FRAS1: variants seen among roughly 807,000 people sequenced by gnomAD.
FRAS1 encodes the protein Fraser extracellular matrix complex subunit 1, also known as extracellular matrix organizing protein FRAS1.
FRAS1 carries 290 observed loss-of-function variants against 435.2 expected under a neutral mutation model. The observed-to-expected ratio is 0.67, with a 90% CI of 0.61 to 0.73. The LOEUF is 0.73. Among genes scored for constraint, FRAS1 ranks in the 30% least tolerant of loss-of-function variants. The probability of loss-of-function intolerance (pLI) is 0.00; values close to 1 mark genes in which losing one functional copy is unlikely to be tolerated. For synonymous variants in FRAS1, 1,800 were observed against 1,851.0 expected, an observed-to-expected ratio of 0.97 and a Z score of 0.71; for missense variants, 4,860 against 5,001.5, an observed-to-expected ratio of 0.97 and a Z score of 0.85.
chr4:78,490,844 A>AG (rs955409920), intron 59 of FRAS1, among the ~76,000 whole-genome samples: 2 of 13,650 alleles, frequency 1.5e-4, no homozygotes, highest in Non-Finnish European at 3.2e-4. Flanking sequence ...AAAATCCTTC[A>AG]AAAAAATCAG....
At chr4:78,124,169 G>C (rs1019645092) in intron 2 of FRAS1, among the ~76,000 whole-genome samples, 23 of 152,148 alleles carry the variant, frequency 1.5e-4, no homozygotes, top group African/African-American at 5.1e-4. Flanking sequence ...TTTATTGAGA[G>C]TTTTTGGCAT....
intron 14 of FRAS1, among the ~76,000 whole-genome samples, chr4:78,287,141 G>A (rs1727647235): frequency 6.6e-6 from 1 of 150,820 alleles, no homozygotes; most frequent in Non-Finnish European, 1.5e-5. Context: ...CTTACATGGT[G>A]TCTGGAGAGA....
chr4:78,103,523 G>A (rs1267366392), intron 2 of FRAS1, among the ~76,000 whole-genome samples: 1 of 152,124 alleles, frequency 6.6e-6, no homozygotes, highest in Non-Finnish European at 1.5e-5. Context: ...ATGTATTATA[G>A]TTTGCTATGG....
intron 32 of FRAS1, among the ~76,000 whole-genome samples, chr4:78,413,961 A>AT (rs1733454046): frequency 6.6e-6 from 1 of 152,172 alleles, no homozygotes; most frequent in African/African-American, 2.4e-5. Flanking sequence ...GACCTTGTAA[A>AT]TTAATCATCA....
chr4:78,084,062 A>G lies in FRAS1; in HGVS notation c.108+18046A>G, dbSNP rs547643566. 1.8e-3 allele frequency among the ~76,000 whole-genome samples: 276 copies of G among 152,218 alleles called. 1 individual carries two copies. The highest frequency in any genetic ancestry group is 6.4e-3 in the African/African-American group (264 of 41,552). Reference sequence around the variant, plus strand: ...ATTATTTGATTTTCTAGCATCCACCAAAAGGGATCAGTGAGGTTTTCTCTT... The same window carrying G: ...ATTATTTGATTTTCTAGCATCCACCGAAAGGGATCAGTGAGGTTTTCTCTT... On this transcript the variant is annotated intron_variant, in intron 2 of 73. Transcript: ENST00000512123.
intron 20 of FRAS1, among the ~76,000 whole-genome samples, chr4:78,360,069 A>G (rs1035473708): frequency 6.6e-6 from 1 of 152,190 alleles, no homozygotes. Flanking sequence ...AGGAGGATAG[A>G]AAAAGTTAAA....
intron 29 of FRAS1, among the ~76,000 whole-genome samples, chr4:78,390,953 A>G (rs942537655): frequency 1.3e-5 from 2 of 152,248 alleles, no homozygotes; most frequent in African/African-American, 4.8e-5. Flanking sequence ...GGATAGAAAA[A>G]GGAAGCTTTG....
Position 78,078,599 on chromosome 4 carries a change from G to A in FRAS1, c.108+12583G>A, listed in dbSNP as rs558950770. On this transcript the variant is annotated intron_variant, in intron 2 of 73. Transcript: ENST00000512123. Reference sequence around the variant, plus strand: ...TAAAGTACAGGTTTTCAAAGATTTAGTGTTACAAAGAATTACATAGTAGAA... The same window carrying A: ...TAAAGTACAGGTTTTCAAAGATTTAATGTTACAAAGAATTACATAGTAGAA... Among the ~76,000 whole-genome samples, 7 of 152,134 alleles carry A rather than the reference G, an allele frequency of 4.6e-5. No homozygotes were observed. The South Asian group carries it at 1.5e-3, about 32-fold the overall frequency.
chr4:78,430,646 G>A (rs779743311), intron 37 of FRAS1, among the ~76,000 whole-genome samples: 12 of 152,086 alleles, frequency 7.9e-5, no homozygotes, highest in Non-Finnish European at 1.3e-4. Flanking sequence ...TGTGAAACCA[G>A]TTCCTTAAAC....
intron 47 of FRAS1, among the ~76,000 whole-genome samples, chr4:78,461,523 TAAA>T (rs999204878): frequency 5.9e-5 from 9 of 152,164 alleles, no homozygotes; most frequent in Non-Finnish European, 1.5e-5. Flanking sequence ...TGTTAAAAGA[TAAA>T]ATTCAACATA....
At chr4:78,333,443 C>G in intron 19 of FRAS1, 31 bp downstream of exon 19, 4 of 1,595,132 alleles carry the variant, frequency 2.5e-6, no homozygotes, top group Non-Finnish European at 3.4e-6. Flanking sequence ...GGCACATTGC[C>G]TATGACCATG....
intron 2 of FRAS1, among the ~76,000 whole-genome samples, chr4:78,082,038 A>G (rs562068486): frequency 4.7e-4 from 72 of 152,240 alleles, no homozygotes; most frequent in Non-Finnish European, 5.4e-4. Context: ...TACACATTTA[A>G]AATATTATAT....
At chr4:78,137,995 T>A (rs1269066761) in intron 2 of FRAS1, among the ~76,000 whole-genome samples, 1 of 152,198 alleles carries the variant, frequency 6.6e-6, no homozygotes, top group Non-Finnish European at 1.5e-5. Flanking sequence ...TAGGTTCATG[T>A]TATTAGTGGT....
rs1722004400 is a variant in FRAS1 at position 78,181,579 on chromosome 4, C to T, written c.109-55931C>T. On this transcript the variant is annotated intron_variant, in intron 2 of 73. Transcript: ENST00000512123. The stretch of plus-strand genomic sequence containing the variant: ...GACCTCGAATAGGTCGGTCAATAAT[C>T]GGTCTATCAACTGAAAATTAGCCTC... 6.8e-6 allele frequency: 11 copies of T among 1,611,426 alleles called. No homozygotes were observed. In the East Asian group the frequency reaches 1.6e-4, roughly 23 times the overall value.
intron 2 of FRAS1, among the ~76,000 whole-genome samples, chr4:78,144,451 A>AGTGTGTGT (rs144059150): frequency 6.1e-5 from 9 of 146,500 alleles, no homozygotes; most frequent in African/African-American, 2.2e-4. Context: ...TTTTAAAATA[A>AGTGTGTGT]GTGTGTGTGT....
intron 2 of FRAS1, among the ~76,000 whole-genome samples, chr4:78,212,180 T>A (rs1227127670): frequency 1.3e-5 from 2 of 152,228 alleles, no homozygotes; most frequent in Admixed American, 6.5e-5. Flanking sequence ...GTAATACTTA[T>A]AAAAAGTATG....
intron 1 of FRAS1, among the ~76,000 whole-genome samples, chr4:78,061,389 C>T (rs1340549308): frequency 6.6e-6 from 1 of 152,058 alleles, no homozygotes; most frequent in Non-Finnish European, 1.5e-5. Context: ...TATGGAAGTC[C>T]TGTGAAGTTA....
chr4:78,077,700 T>C (rs1740711980), intron 2 of FRAS1, among the ~76,000 whole-genome samples: 1 of 152,186 alleles, frequency 6.6e-6, no homozygotes, highest in Admixed American at 6.5e-5. Context: ...GATATTTGTC[T>C]GTCTGTGTCT....
intron 2 of FRAS1, among the ~76,000 whole-genome samples, chr4:78,218,760 G>A (rs1166541382): frequency 6.6e-6 from 1 of 152,216 alleles, no homozygotes; most frequent in African/African-American, 2.4e-5. Context: ...TCACCTGTGG[G>A]AGAGGACAAG....
Sources: gnomAD v4.1 joint callset for allele counts (sites outside exome capture counted in the v4.1 genomes callset) on GRCh38, gnomAD v4.1.1 for gene constraint, MANE v1.5 for transcripts, NCBI Gene and HGNC (gene_info 2026-07-23, HGNC 2026-07-21) for gene names.